The following CMBL variants were observed in gnomAD, a reference collection of about 807,000 sequenced individuals.
CMBL encodes the protein carboxymethylenebutenolidase homolog (Pseudomonas).
In CMBL, 17 loss-of-function variants were observed where a neutral mutation model predicts 28.7. That is an observed-to-expected ratio of 0.59 (90% CI 0.41 to 0.89). CMBL has a LOEUF of 0.89. CMBL is among the 40% of genes least tolerant of loss of function. The pLI is 0.00. For missense variants in CMBL, 310 were observed against 298.5 expected, an observed-to-expected ratio of 1.04 and a Z score of -0.28; for synonymous variants, 106 against 101.6, an observed-to-expected ratio of 1.04 and a Z score of -0.26.
chr5:10,287,475 T>C (rs924799953), intron 3 of CMBL, among the ~76,000 whole-genome samples: 8 of 110,556 alleles, frequency 7.2e-5, no homozygotes, highest in African/African-American at 2.9e-4. Flanking sequence ...TAATGGACTA[T>C]GGAGACTCAG....
chr5:10,299,205 A>G (rs1301966521), intron 1 of CMBL, among the ~76,000 whole-genome samples: 5 of 152,194 alleles, frequency 3.3e-5, no homozygotes. Flanking sequence ...GATAAAATAT[A>G]TAAAGAATTC....
intron 4 of CMBL, among the ~76,000 whole-genome samples, chr5:10,285,006 A>T (rs867483258): frequency 0.029 from 3,412 of 118,666 alleles, 80 homozygotes; most frequent in African/African-American, 0.089. Context: ...TTTTTTTTTT[A>T]TTTTTTATTT....
intron 3 of CMBL, among the ~76,000 whole-genome samples, chr5:10,288,128 C>A (rs1746638841): frequency 6.6e-6 from 1 of 151,622 alleles, no homozygotes; most frequent in Non-Finnish European, 1.5e-5. Context: ...ATTAGCCGGG[C>A]TGGTGGCAGG....
At chr5:10,302,632 A>G (rs1361673924) in intron 1 of CMBL, among the ~76,000 whole-genome samples, 1 of 151,896 alleles carries the variant, frequency 6.6e-6, no homozygotes, top group Non-Finnish European at 1.5e-5. Context: ...GGAGGAGTCC[A>G]ACATACCTCA....
At chr5:10,290,356 T>A in intron 2 of CMBL, 192 bp downstream of exon 2, 1 of 597,742 alleles carries the variant, frequency 1.7e-6, no homozygotes, top group Non-Finnish European at 3.0e-6. Flanking sequence ...GGAATGGGGT[T>A]AGGAGCACCA....
rs1746426515 is a variant in CMBL at position 10,278,064 on chromosome 5, TAA to T, written c.*2387_*2388del. ...GCTTTGGCCTGTTGGGGTCCACAAC[TAA>T]GTGTCCACAGTAGACCAGCCCTGCT... is the stretch of plus-strand genomic sequence containing the variant. On this transcript the variant is annotated 3_prime_UTR_variant, in exon 6 of 6. Transcript: ENST00000296658. 6.6e-6 allele frequency among the ~76,000 whole-genome samples: 1 copy of T among 152,046 alleles called. No homozygotes were observed. Among genetic ancestry groups the T allele is most frequent in the African/African-American group, 2.4e-5 (1 of 41,408 alleles).
intron 5 of CMBL, among the ~76,000 whole-genome samples, chr5:10,280,974 A>T (rs187561706): frequency 6.6e-6 from 1 of 152,154 alleles, no homozygotes; most frequent in African/African-American, 2.4e-5. Flanking sequence ...GGGTTTCACC[A>T]TGTTGACCAG....
chr5:10,286,265 G>A, intron 4 of CMBL, 89 bp downstream of exon 4: 1 of 1,299,208 alleles, frequency 7.7e-7, no homozygotes, highest in Non-Finnish European at 1.1e-6. Context: ...ATTGGGGGTT[G>A]TGTTACACTG....
chr5:10,304,989 G>A (rs1746971596), intron 1 of CMBL, among the ~76,000 whole-genome samples: 1 of 152,148 alleles, frequency 6.6e-6, no homozygotes, highest in African/African-American at 2.4e-5. Context: ...CCTTTATTGT[G>A]AGTAAGAAGG....
At chr5:10,296,904 A>C (rs945798564) in intron 1 of CMBL, among the ~76,000 whole-genome samples, 1 of 152,136 alleles carries the variant, frequency 6.6e-6, no homozygotes, top group Middle Eastern at 3.4e-3. Context: ...CTGAGAGGAG[A>C]CTGGGCGCGG....
At chr5:10,297,083 G>T (rs1287649307) in intron 1 of CMBL, among the ~76,000 whole-genome samples, 1 of 151,580 alleles carries the variant, frequency 6.6e-6, no homozygotes. Flanking sequence ...TACTTGGGAC[G>T]CTGAGGCAGG....
chr5:10,286,625 C>T, intron 3 of CMBL, 129 bp from the exon 4 acceptor site: 1 of 788,154 alleles, frequency 1.3e-6, no homozygotes, highest in Non-Finnish European at 1.9e-6. Context: ...CTTTTGGGAG[C>T]TCCACCCTTA....
intron 5 of CMBL, among the ~76,000 whole-genome samples, chr5:10,281,010 G>C (rs946048981): frequency 6.6e-6 from 1 of 152,186 alleles, no homozygotes; most frequent in Non-Finnish European, 1.5e-5. Flanking sequence ...CTGACCTCAA[G>C]TGATCTGCCT....
In CMBL at chr5:10,280,579, A is replaced by G. The variant is rs755516670; in HGVS notation, c.612T>C (p.Ile204=). The G allele has an allele frequency of 6.2e-7, 1 of 1,613,394 alleles. No individual in the cohort carries two copies. Among genetic ancestry groups the G allele is most frequent in the African/African-American group, 1.3e-5 (1 of 74,914 alleles). ...CATGAGTCTGCCCAGAAAATGTTTT[A>G]ATTTGATATTCAACTTTGCAGTGTT... ...LKEHCKVEYQ[I]KTFSGQTHGF... Residue 204 remains isoleucine (I), a synonymous_variant, in exon 6 of 6, where the codon ATT becomes ATC. Transcript: ENST00000296658.
At chr5:10,304,992 T>A (rs1191054999) in intron 1 of CMBL, among the ~76,000 whole-genome samples, 1 of 152,200 alleles carries the variant, frequency 6.6e-6, no homozygotes, top group Non-Finnish European at 1.5e-5. Context: ...TTATTGTGAG[T>A]AAGAAGGTTT....
intron 1 of CMBL, among the ~76,000 whole-genome samples, chr5:10,303,567 A>G (rs553662679): frequency 6.6e-6 from 1 of 152,366 alleles, no homozygotes; most frequent in East Asian, 1.9e-4. Flanking sequence ...TTGAAGGAAA[A>G]TCAAAAGAGC....
intron 1 of CMBL, among the ~76,000 whole-genome samples, chr5:10,291,529 T>C (rs10068796): frequency 0.24 from 35,647 of 150,274 alleles, 5,901 homozygotes; most frequent in African/African-American, 0.47. Flanking sequence ...GGCGTGGTGG[T>C]GGGCGCCTGT....
At chr5:10,282,354 A>C in intron 4 of CMBL, 66 bp from the exon 5 acceptor site, 2 of 902,658 alleles carry the variant, frequency 2.2e-6, no homozygotes, top group Non-Finnish European at 3.7e-6. Context: ...CCCCACACCC[A>C]TGCCGCATGA....
At chr5:10,291,525 G>A (rs1470133405) in intron 1 of CMBL, among the ~76,000 whole-genome samples, 1 of 151,956 alleles carries the variant, frequency 6.6e-6, no homozygotes, top group Non-Finnish European at 1.5e-5. Flanking sequence ...GCCGGGCGTG[G>A]TGGTGGGCGC....
Sources: allele counts gnomAD v4.1 joint callset (sites outside exome capture counted in the v4.1 genomes callset), GRCh38; gene constraint gnomAD v4.1.1; transcripts MANE v1.5; gene names NCBI Gene and HGNC (gene_info 2026-07-23, HGNC 2026-07-21).